Variants in XXYLT1 observed in about 807,000 individuals in gnomAD.
XXYLT1 encodes xyloside xylosyltransferase 1, also known as UDP-xylose:alpha-xyloside alpha-1,3-xylosyltransferase.
A neutral mutation model predicts 28.9 loss-of-function variants in XXYLT1; 20 were observed. The ratio of observed to expected loss-of-function variants is 0.69; its 90% CI spans 0.49 to 1.00. The LOEUF is 1.00. Ranked by LOEUF, XXYLT1 falls within the 50% of genes least tolerant of loss-of-function variation. The pLI, the probability that XXYLT1 is intolerant of heterozygous loss-of-function variation, is 0.00. For missense variants in XXYLT1, 542 were observed against 560.1 expected (o/e 0.97, Z 0.33); for synonymous variants, 257 against 253.8 (o/e 1.01, Z -0.12).
intron 1 of XXYLT1, among the ~76,000 whole-genome samples, chr3:195,235,828 C>T (rs535644754): frequency 2.6e-5 from 4 of 152,156 alleles, no homozygotes; most frequent in Middle Eastern, 3.4e-3. Context: ...AAGAATTCTC[C>T]GAATTACTTG....
At chr3:195,119,612 A>G (rs9833747) in intron 3 of XXYLT1, among the ~76,000 whole-genome samples, 82,970 of 151,868 alleles carry the variant, frequency 0.55, 23,319 homozygotes, top group Middle Eastern at 0.67. Context: ...CCTGACAATG[A>G]AGCGATGGCT....
At chr3:195,156,660 G>A in intron 2 of XXYLT1, 79 bp from the exon 3 acceptor site, 4 of 1,561,280 alleles carry the variant, frequency 2.6e-6, no homozygotes, top group Non-Finnish European at 3.5e-6. Context: ...ATGAAGTGGA[G>A]GGCAGAGAAA....
At chr3:195,145,457 C>A (rs1437692230) in intron 3 of XXYLT1, among the ~76,000 whole-genome samples, 1 of 141,970 alleles carries the variant, frequency 7.0e-6, no homozygotes, top group Non-Finnish European at 1.5e-5. Flanking sequence ...TGGGGCCCTG[C>A]GAGCATCTCT....
At chr3:195,126,113 C>T (rs1718605921) in intron 3 of XXYLT1, among the ~76,000 whole-genome samples, 1 of 149,678 alleles carries the variant, frequency 6.7e-6, no homozygotes, top group African/African-American at 2.5e-5. Context: ...ACTGCAGACC[C>T]GCCTTGGGCA....
In XXYLT1 at chr3:195,076,171, G is replaced by A. The variant is rs193072936; in HGVS notation, c.786-6060C>T. 2.6e-3 allele frequency among the ~76,000 whole-genome samples: 390 copies of A among 152,334 alleles called. 2 individuals carry two copies. Among genetic ancestry groups the A allele is most frequent in the African/African-American group, 9.0e-3 (374 of 41,574 alleles). On this transcript the variant is annotated intron_variant, in intron 3 of 3. Transcript: ENST00000310380. This position sits in a 1 kb window ranked among gnomAD's most constrained non-coding sequence, Gnocchi z 5.3. The stretch of plus-strand genomic sequence containing the variant: ...CATCTGCACAGCCTGAGAGAACAGA[G>A]GTTCAGGGAAGGAAGAGGGCCTGGA...
intron 3 of XXYLT1, among the ~76,000 whole-genome samples, chr3:195,089,424 C>T (rs951974729): frequency 3.3e-5 from 5 of 152,042 alleles, no homozygotes; most frequent in Admixed American, 1.3e-4. Flanking sequence ...TCCAGCCAAA[C>T]TAAGCTTCAT....
chr3:195,180,785 C>G lies in XXYLT1; in HGVS notation c.653-24204G>C, dbSNP rs534978106. ...GCCAGGAGCAAGGGCAGCGCCGGCCCTCCTCGGGAGAAGCTCCAAGGCCTG... is the reference window on the plus strand; with the variant it reads ...GCCAGGAGCAAGGGCAGCGCCGGCCGTCCTCGGGAGAAGCTCCAAGGCCTG... On this transcript the variant is annotated intron_variant, in intron 2 of 3. Transcript: ENST00000310380. The surrounding 1 kb of genome is among the most constrained non-coding windows in gnomAD (Gnocchi z 5.8). 6.6e-6 allele frequency among the ~76,000 whole-genome samples: 1 copy of G among 152,258 alleles called. No homozygotes were observed. Among genetic ancestry groups the G allele is most frequent in the Non-Finnish European group, 1.5e-5 (1 of 68,052 alleles).
chr3:195,093,776 C>T (rs1013971619), intron 3 of XXYLT1: 1 of 152,216 alleles, frequency 6.6e-6, no homozygotes, highest in Non-Finnish European at 1.5e-5. Flanking sequence ...CCGAAAATAA[C>T]AGCAGTTCTG....
intron 3 of XXYLT1, among the ~76,000 whole-genome samples, chr3:195,134,071 A>C (rs748195473): frequency 2.8e-4 from 42 of 152,036 alleles, no homozygotes; most frequent in Admixed American, 6.6e-4. Context: ...GACAGACAGA[A>C]AGAAAGAAAG....
At chr3:195,155,272 T>C (rs1486340831) in intron 3 of XXYLT1, among the ~76,000 whole-genome samples, 1 of 152,190 alleles carries the variant, frequency 6.6e-6, no homozygotes. Context: ...TAGTTGCCTG[T>C]ACTCTGCAGC....
intron 2 of XXYLT1, among the ~76,000 whole-genome samples, chr3:195,182,852 C>G (rs748353520): frequency 6.6e-6 from 1 of 152,212 alleles, no homozygotes; most frequent in Non-Finnish European, 1.5e-5. Context: ...CAAAACAACT[C>G]CCTGAACCCC....
At chr3:195,177,298 C>G (rs1026713116) in intron 2 of XXYLT1, among the ~76,000 whole-genome samples, 1 of 152,174 alleles carries the variant, frequency 6.6e-6, no homozygotes, top group Non-Finnish European at 1.5e-5. Flanking sequence ...GCCCTTTTAT[C>G]CCTGGCCTCC....
chr3:195,113,018 G>A (rs1490795349), intron 3 of XXYLT1, among the ~76,000 whole-genome samples: 1 of 152,250 alleles, frequency 6.6e-6, no homozygotes, highest in Non-Finnish European at 1.5e-5. Flanking sequence ...TGCCATCCCA[G>A]GCAAGCTGTT....
intron 2 of XXYLT1, among the ~76,000 whole-genome samples, chr3:195,206,746 A>G (rs1226572190): frequency 3.3e-5 from 5 of 152,156 alleles, no homozygotes; most frequent in Non-Finnish European, 1.5e-5. Context: ...AGCCTGGGTG[A>G]CAGAGCAAGA....
intron 3 of XXYLT1, among the ~76,000 whole-genome samples, chr3:195,149,908 G>A (rs1299113733): frequency 2.6e-5 from 4 of 152,174 alleles, no homozygotes; most frequent in East Asian, 1.9e-4. Flanking sequence ...CGAGGAAGCC[G>A]GGAGATAACA....
intron 1 of XXYLT1, among the ~76,000 whole-genome samples, chr3:195,244,984 G>T (rs1196957982): frequency 6.7e-6 from 1 of 150,216 alleles, no homozygotes; most frequent in African/African-American, 2.4e-5. Flanking sequence ...TGACCAACAT[G>T]GAGAAACCCC....
chr3:195,116,635 C>A (rs765038922), intron 3 of XXYLT1, among the ~76,000 whole-genome samples: 1 of 152,174 alleles, frequency 6.6e-6, no homozygotes, highest in Non-Finnish European at 1.5e-5. Flanking sequence ...CTCTCCCTCA[C>A]CCTTACCCTG....
intron 1 of XXYLT1, among the ~76,000 whole-genome samples, chr3:195,261,850 G>GA (rs1577209245): frequency 6.6e-6 from 1 of 152,210 alleles, no homozygotes; most frequent in East Asian, 1.9e-4. Context: ...AGCTGTAATT[G>GA]AAAAGATGGA....
intron 2 of XXYLT1, among the ~76,000 whole-genome samples, chr3:195,205,671 T>C (rs77323794): frequency 0.098 from 14,861 of 152,226 alleles, 980 homozygotes; most frequent in East Asian, 0.29. Flanking sequence ...AAAACCAGCC[T>C]GGGTAACATG....
Sources: allele counts gnomAD v4.1 joint callset (sites outside exome capture counted in the v4.1 genomes callset), GRCh38; gene constraint gnomAD v4.1.1; non-coding constraint Gnocchi (gnomAD v3.1); transcripts MANE v1.5; gene names NCBI Gene and HGNC (gene_info 2026-07-23, HGNC 2026-07-21).